RELN: variants seen among roughly 807,000 people sequenced by gnomAD.
RELN encodes the protein reelin.
A neutral mutation model predicts 427.6 loss-of-function variants in RELN; 108 were observed. The observed-to-expected ratio is 0.25, with a 90% confidence interval of 0.22 to 0.30. The LOEUF (loss-of-function observed/expected upper bound fraction) is 0.30, where lower values mean the gene tolerates loss of function less well. Ranked by LOEUF, RELN falls within the 10% of genes least tolerant of loss-of-function variation. The probability of loss-of-function intolerance (pLI) is 1.00; values close to 1 mark genes in which losing one functional copy is unlikely to be tolerated. For synonymous variants in RELN, 1,524 were observed against 1,513.4 expected (o/e 1.01, Z -0.16); for missense variants, 3,715 against 4,302.8 (o/e 0.86, Z 3.82).
chr7:103,669,059 C>A (rs1157581806), intron 11 of RELN, among the ~76,000 whole-genome samples: 2 of 152,128 alleles, frequency 1.3e-5, no homozygotes, highest in African/African-American at 2.4e-5. Flanking sequence ...ACTTCTACCA[C>A]AACATTGTGT....
Position 103,535,374 on chromosome 7 carries a change from C to A in RELN, c.7291G>T (p.Val2431Leu). ...GTCCACTTGTTGAAAGTGTCTGACACCAGGATCCGTTGCAGATGATAGCGA... is the reference window on the plus strand; with the variant it reads ...GTCCACTTGTTGAAAGTGTCTGACAACAGGATCCGTTGCAGATGATAGCGA... ...CSRYHLQRILVSDTFNKWTRI... is the reference protein window; with the variant it reads ...CSRYHLQRILLSDTFNKWTRI... The change falls in exon 46 of 65, where the codon GTG (valine) becomes TTG (leucine). Residue 2431 changes from valine (V) to leucine (L), a missense_variant. Transcript: ENST00000428762. The A allele has an allele frequency of 6.2e-7, 1 of 1,614,076 alleles. No homozygotes were observed. The highest frequency in any genetic ancestry group is 1.3e-5 in the African/African-American group (1 of 75,036).
In RELN at chr7:103,561,915, T is replaced by C. The variant is rs1449221629; in HGVS notation, c.5249A>G (p.Tyr1750Cys). ...RTRFRWIQAN[Y>C]TVGADSWAID... ...CGCCCAGGAATCAGCCCCCACAGTG[T>C]AGTTGGCCTGAATCCATCTGAACCG... Residue 1750 changes from tyrosine (Y) to cysteine (C), a missense_variant, in exon 35 of 65, where the codon TAC becomes TGC. Tyr to Cys is a radical substitution (Grantham distance 194). Transcript: ENST00000428762. 1.2e-6 allele frequency: 2 copies of C among 1,602,686 alleles called. No individual in the cohort carries two copies. The highest frequency in any genetic ancestry group is 2.2e-5 in the East Asian group (1 of 44,482).
chr7:103,961,049 TG>T (rs1796542464), intron 1 of RELN, among the ~76,000 whole-genome samples: 1 of 152,260 alleles, frequency 6.6e-6, no homozygotes, highest in African/African-American at 2.4e-5. Flanking sequence ...ACTACGTGTT[TG>T]GTCAGCAAAG....
chr7:103,801,016 C>G (rs1584250969), intron 3 of RELN, among the ~76,000 whole-genome samples: 2 of 152,100 alleles, frequency 1.3e-5, no homozygotes, highest in African/African-American at 4.8e-5. Flanking sequence ...AAATGCAAAT[C>G]AAAACCACAA....
Position 103,626,050 on chromosome 7 carries a change from T to C in RELN, c.2702+3890A>G, listed in dbSNP as rs968587318. ...CAAAGATGGGATGAATGGGTAGAAA[T>C]TCTGGGTGGAGCTAGAAGTCAGGGA... On this transcript the variant is annotated intron_variant, in intron 20 of 64. Transcript: ENST00000428762. The surrounding 1 kb of genome is among the most constrained non-coding windows in gnomAD (Gnocchi z 4.4). Among the ~76,000 whole-genome samples, 6 of 152,004 alleles carry C rather than the reference T, an allele frequency of 3.9e-5. No homozygotes were observed. Among genetic ancestry groups the C allele is most frequent in the African/African-American group, 1.2e-4 (5 of 41,410 alleles).
intron 2 of RELN, among the ~76,000 whole-genome samples, chr7:103,847,019 C>T (rs1793695328): frequency 6.6e-6 from 1 of 152,178 alleles, no homozygotes; most frequent in Non-Finnish European, 1.5e-5. Flanking sequence ...GGCGACTCCT[C>T]AAGGATCTAG....
chr7:103,594,825 C>G (rs1404816443), intron 25 of RELN, among the ~76,000 whole-genome samples: 1 of 152,070 alleles, frequency 6.6e-6, no homozygotes, highest in Non-Finnish European at 1.5e-5. Context: ...TTGTTTAATA[C>G]TATTACATGA....
At chr7:103,738,979 C>A (rs526762) in intron 6 of RELN, among the ~76,000 whole-genome samples, 33,142 of 151,860 alleles carry the variant, frequency 0.22, 4,744 homozygotes, top group African/African-American at 0.41. Flanking sequence ...TTGTGCCTGG[C>A]CTGGCATCTT....
Position 103,738,936 on chromosome 7 carries a change from C to G in RELN, c.656+10490G>C, listed in dbSNP as rs184111560. Among the ~76,000 whole-genome samples, 17 of 152,174 alleles carry G rather than the reference C, an allele frequency of 1.1e-4. No homozygotes were observed. In the East Asian group the frequency reaches 2.3e-3, roughly 21 times the overall value. On this transcript the variant is annotated intron_variant, in intron 6 of 64. Coordinates refer to ENST00000428762, the MANE Select transcript of RELN (RefSeq NM_005045.4). ...GACCTTGTGATCCATCTGCCTTGGC[C>G]TCCTAAAGTGTTCAGATTACAGGCG...
chr7:103,766,808 T>C (rs1791434834), intron 4 of RELN, among the ~76,000 whole-genome samples: 1 of 152,248 alleles, frequency 6.6e-6, no homozygotes, highest in Admixed American at 6.5e-5. Flanking sequence ...GCTGAAAAAC[T>C]GCTGAGCCTG....
intron 63 of RELN, among the ~76,000 whole-genome samples, chr7:103,481,255 G>A (rs1828225817): frequency 6.6e-6 from 1 of 152,130 alleles, no homozygotes; most frequent in South Asian, 2.1e-4. Flanking sequence ...TTGATTGTTT[G>A]GGCAGGATGA....
intron 10 of RELN, among the ~76,000 whole-genome samples, chr7:103,685,144 T>A (rs1833738255): frequency 6.6e-6 from 1 of 152,186 alleles, no homozygotes; most frequent in Non-Finnish European, 1.5e-5. Context: ...TTCTTACAGG[T>A]AAGTTTGCAT....
At chr7:103,509,348 A>G (rs1230871006) in intron 51 of RELN, among the ~76,000 whole-genome samples, 1 of 152,156 alleles carries the variant, frequency 6.6e-6, no homozygotes, top group Non-Finnish European at 1.5e-5. Flanking sequence ...AAATAACACC[A>G]CACATCTACA....
chr7:103,861,092 G>T (rs1169953227), intron 2 of RELN, among the ~76,000 whole-genome samples: 1 of 152,056 alleles, frequency 6.6e-6, no homozygotes, highest in Non-Finnish European at 1.5e-5. Context: ...TCTTCTCCTT[G>T]CATAAAGTGA....
intron 22 of RELN, among the ~76,000 whole-genome samples, chr7:103,605,042 C>A (rs963855446): frequency 3.3e-5 from 5 of 152,122 alleles, no homozygotes; most frequent in African/African-American, 7.2e-5. Flanking sequence ...GTTGGCCAGG[C>A]TGCTCTTGAA....
intron 1 of RELN, among the ~76,000 whole-genome samples, chr7:103,930,868 ATGTGTGTGTGTGTGTGTGTGTGTGTG>A (rs60265174): frequency 7.0e-6 from 1 of 141,902 alleles, no homozygotes; most frequent in Non-Finnish European, 1.5e-5. Flanking sequence ...GTGTGAGCAT[ATGTGTGTGTGTGTGTGTGTGTGTGTG>A]TGTGTGTGTG....
rs1469203494 is a variant in RELN, at chr7:103,761,659, T to C, written c.545-8445A>G. Among the ~76,000 whole-genome samples, 4 of 152,020 alleles carry C rather than the reference T, an allele frequency of 2.6e-5. No homozygotes were observed. The East Asian group carries it at 7.8e-4, about 30-fold the overall frequency. Reference sequence around the variant, plus strand: ...GGGGTAGAGACAAGATCTTACCACATTGCCCAGGCTGGTCTTGAACTCCTG... The same window carrying C: ...GGGGTAGAGACAAGATCTTACCACACTGCCCAGGCTGGTCTTGAACTCCTG... On this transcript the variant is annotated intron_variant, in intron 4 of 64. Coordinates refer to ENST00000428762, the MANE Select transcript of RELN (RefSeq NM_005045.4).
Position 103,557,049 on chromosome 7 carries a change from T to A in RELN, c.5725A>T (p.Ile1909Phe). Residue 1909 changes from isoleucine to phenylalanine, a missense_variant, in exon 38 of 65, where the codon ATC (isoleucine) becomes TTC (phenylalanine). Coordinates refer to ENST00000428762, the MANE Select transcript of RELN (RefSeq NM_005045.4). Reference protein sequence around the residue: ...YFPQTTNILFINVPLPYTAQT... With the variant: ...YFPQTTNILFFNVPLPYTAQT... ...GCAGTGTATGGCAAGGGAACATTGA[T>A]GAAAAGTATATTCGTTGTTTGAGGA... The A allele has an allele frequency of 6.2e-7, 1 of 1,613,872 alleles. No homozygotes were observed. Among genetic ancestry groups the A allele is most frequent in the South Asian group, 1.1e-5 (1 of 91,072 alleles).
intron 3 of RELN, among the ~76,000 whole-genome samples, chr7:103,813,286 T>C (rs980181775): frequency 6.6e-6 from 1 of 152,118 alleles, no homozygotes; most frequent in Non-Finnish European, 1.5e-5. Context: ...TAACACTGCA[T>C]GGGAAATGAG....
Sources: gnomAD v4.1 joint callset for allele counts (sites outside exome capture counted in the v4.1 genomes callset) on GRCh38, gnomAD v4.1.1 for gene constraint, Gnocchi (gnomAD v3.1) non-coding constraint, MANE v1.5 for transcripts, NCBI Gene and HGNC (gene_info 2026-07-23, HGNC 2026-07-21) for gene names.